Variants in WWOX observed in about 807,000 individuals in gnomAD.
WWOX encodes the protein WW domain containing oxidoreductase, also known as WW domain-containing oxidoreductase.
A neutral mutation model predicts 46.2 loss-of-function variants in WWOX; 69 were observed. The ratio of observed to expected loss-of-function variants is 1.49; its 90% CI spans 1.23 to 1.82. WWOX has a LOEUF of 1.82. WWOX is among the 40% of genes most tolerant of loss of function. The probability of loss-of-function intolerance (pLI) is 0.00; values close to 1 mark genes in which losing one functional copy is unlikely to be tolerated. For missense variants in WWOX, 919 were observed against 542.6 expected, an observed-to-expected ratio of 1.69 and a Z score of -6.89; for synonymous variants, 359 against 202.6, an observed-to-expected ratio of 1.77 and a Z score of -6.56.
At chr16:79,119,626 G>A (rs1353924773) in intron 8 of WWOX, among the ~76,000 whole-genome samples, 1 of 152,194 alleles carries the variant, frequency 6.6e-6, no homozygotes, top group Non-Finnish European at 1.5e-5. Context: ...TGTGCCAGCG[G>A]CACACACATA....
intron 5 of WWOX, among the ~76,000 whole-genome samples, chr16:78,203,467 C>G (rs191099662): frequency 2.6e-5 from 4 of 152,172 alleles, no homozygotes; most frequent in Non-Finnish European, 5.9e-5. Flanking sequence ...AAGTTTATGA[C>G]GGAAAAGGCA....
chr16:78,286,976 C>T (rs943579351), intron 5 of WWOX, among the ~76,000 whole-genome samples: 3 of 152,152 alleles, frequency 2.0e-5, no homozygotes, highest in Non-Finnish European at 4.4e-5. Flanking sequence ...CTTAGCAGCT[C>T]CTTGTCATAC....
At chr16:78,108,931 T>C (rs1228630946) in intron 2 of WWOX, among the ~76,000 whole-genome samples, 2 of 152,196 alleles carry the variant, frequency 1.3e-5, no homozygotes, top group African/African-American at 4.8e-5. Context: ...GAGGTTGCAG[T>C]GAGCCAAGAT....
chr16:78,889,031 C>G (rs1180903535), intron 8 of WWOX, among the ~76,000 whole-genome samples: 1 of 152,042 alleles, frequency 6.6e-6, no homozygotes, highest in Non-Finnish European at 1.5e-5. Context: ...CCATTTATCC[C>G]ATCCCGGCTG....
intron 5 of WWOX, among the ~76,000 whole-genome samples, chr16:78,310,698 G>T (rs768769505): frequency 2.0e-5 from 3 of 152,220 alleles, no homozygotes; most frequent in Non-Finnish European, 2.9e-5. Flanking sequence ...CCTTGCTCTA[G>T]AGATTTGGCT....
At chr16:78,683,810 G>C (rs139250387) in intron 8 of WWOX, among the ~76,000 whole-genome samples, 51 of 152,264 alleles carry the variant, frequency 3.3e-4, no homozygotes, top group African/African-American at 1.1e-3. Flanking sequence ...CACTCATCAA[G>C]ATGTATGTAA....
intron 3 of WWOX, among the ~76,000 whole-genome samples, chr16:78,111,018 T>G (rs1045283378): frequency 2.0e-5 from 3 of 152,184 alleles, no homozygotes; most frequent in African/African-American, 7.2e-5. Flanking sequence ...TTTTTTTTTT[T>G]TTAAAGTTAT....
At chr16:78,417,040 G>GGTGTGTGTGT (rs143606762) in intron 6 of WWOX, among the ~76,000 whole-genome samples, 1,563 of 151,382 alleles carry the variant, frequency 0.01, 27 homozygotes, top group African/African-American at 0.034. Context: ...ACCCTTTGGG[G>GGTGTGTGTGT]GTGTGTGTGT....
Position 78,406,549 on chromosome 16 carries a change from C to G in WWOX, c.606-18321C>G, listed in dbSNP as rs7198783. 1.7e-3 allele frequency among the ~76,000 whole-genome samples: 261 copies of G among 150,452 alleles called. 1 individual carries two copies. The highest frequency in any genetic ancestry group is 4.7e-3 in the African/African-American group (192 of 41,074). Reference sequence around the variant, plus strand: ...TTGTATTTTAGTAGAGATGGTTTCACCATGTTGGCGAGGATGGTCTCAGTC... The same window carrying G: ...TTGTATTTTAGTAGAGATGGTTTCAGCATGTTGGCGAGGATGGTCTCAGTC... On this transcript the variant is annotated intron_variant, in intron 6 of 8. Coordinates refer to ENST00000566780, the MANE Select transcript of WWOX (RefSeq NM_016373.4).
In WWOX at chr16:78,857,343, A is replaced by C. The variant is rs1034212430; in HGVS notation, c.1057-354265A>C. On this transcript the variant is annotated intron_variant, in intron 8 of 8. Coordinates refer to ENST00000566780, the MANE Select transcript of WWOX (RefSeq NM_016373.4). The stretch of plus-strand genomic sequence containing the variant: ...TTTCACCATGACATTGGCAAAAGTT[A>C]AGAAGGCAGATAACTTCCATGTTGG... Among the ~76,000 whole-genome samples the C allele has an allele frequency of 4.6e-5, 7 of 152,358 alleles. No individual in the cohort carries two copies. In the East Asian group the frequency reaches 1.4e-3, roughly 29 times the overall value.
At chr16:78,502,418 A>T (rs1301523643) in intron 8 of WWOX, among the ~76,000 whole-genome samples, 2 of 152,160 alleles carry the variant, frequency 1.3e-5, no homozygotes, top group Non-Finnish European at 2.9e-5. Flanking sequence ...TGCGTACCTC[A>T]TATAAATAGA....
chr16:78,307,522 C>G (rs997696484), intron 5 of WWOX, among the ~76,000 whole-genome samples: 3 of 152,070 alleles, frequency 2.0e-5, no homozygotes, highest in African/African-American at 7.2e-5. Context: ...GGCTTCTAGC[C>G]CCTGAAAGAG....
intron 8 of WWOX, among the ~76,000 whole-genome samples, chr16:78,443,841 C>T (rs560745538): frequency 1.3e-5 from 2 of 152,196 alleles, no homozygotes; most frequent in African/African-American, 4.8e-5. Flanking sequence ...TCCCCTCTTT[C>T]AGTTTCCTTT....
intron 8 of WWOX, among the ~76,000 whole-genome samples, chr16:78,518,359 G>A (rs1283160120): frequency 6.6e-6 from 1 of 152,064 alleles, no homozygotes. Flanking sequence ...AGCCTCCCGA[G>A]TAGCTGGGAC....
rs1239306541 is a variant in WWOX, at chr16:78,355,763, CAG to C, written c.517-31095_517-31094del. The C allele has an allele frequency of 1.3e-5, 9 of 699,350 alleles. No individual in the cohort carries two copies. The African/African-American group carries it at 1.7e-4, about 13-fold the overall frequency. The allele number at this position is 699,350 out of a possible 1,614,324, so 43.3% of individuals were successfully genotyped here. ...TGAAGAGACATATGAATCAACAAAA[CAG>C]AATATTCCAGTGTTCTTTCTCCGGG... On this transcript the variant is annotated intron_variant, in intron 5 of 8. Coordinates refer to ENST00000566780, the MANE Select transcript of WWOX (RefSeq NM_016373.4).
At chr16:78,157,819 T>C (rs1489076855) in intron 4 of WWOX, among the ~76,000 whole-genome samples, 1 of 152,224 alleles carries the variant, frequency 6.6e-6, no homozygotes, top group Non-Finnish European at 1.5e-5. Context: ...GGAGCAAGTT[T>C]TAATTTTTTA....
At position 78,645,703 on chromosome 16, in the gene WWOX, C is replaced by A. The variant is rs577155633; in HGVS notation, c.1056+212951C>A. On this transcript the variant is annotated intron_variant, in intron 8 of 8. Coordinates refer to ENST00000566780, the MANE Select transcript of WWOX (RefSeq NM_016373.4). ...CATTAATCTAGCCATGAGGGATCCA[C>A]CCCCGTAACCTAGACTCCTGTCATC... 1.2e-4 allele frequency among the ~76,000 whole-genome samples: 19 copies of A among 152,216 alleles called. No homozygotes were observed. The South Asian group carries it at 2.3e-3, about 18-fold the overall frequency.
At chr16:78,973,167 T>C (rs1052580186) in intron 8 of WWOX, among the ~76,000 whole-genome samples, 1 of 152,110 alleles carries the variant, frequency 6.6e-6, no homozygotes, top group Non-Finnish European at 1.5e-5. Flanking sequence ...ACGTCCGCCT[T>C]TATGAAGGAG....
At chr16:78,331,089 A>AT (rs2080745003) in intron 5 of WWOX, among the ~76,000 whole-genome samples, 1 of 152,030 alleles carries the variant, frequency 6.6e-6, no homozygotes, top group Admixed American at 6.6e-5. Flanking sequence ...TAAAATATAG[A>AT]TTTTTTTCAA....
Sources: allele counts gnomAD v4.1 joint callset (sites outside exome capture counted in the v4.1 genomes callset), GRCh38; gene constraint gnomAD v4.1.1; transcripts MANE v1.5; gene names NCBI Gene and HGNC (gene_info 2026-07-23, HGNC 2026-07-21).